GALNT16: variants seen among roughly 807,000 people sequenced by gnomAD.
The protein encoded by GALNT16 is polypeptide N-acetylgalactosaminyltransferase 16.
GALNT16 carries 40 observed loss-of-function variants against 76.1 expected under a neutral mutation model. The observed-to-expected ratio is 0.53, with a 90% CI of 0.41 to 0.68. The LOEUF (loss-of-function observed/expected upper bound fraction) is 0.68. Among genes scored for constraint, GALNT16 ranks in the 30% least tolerant of loss-of-function variants. The pLI, the probability that GALNT16 is intolerant of heterozygous loss-of-function variation, is 0.00. For missense variants in GALNT16, 621 were observed against 731.9 expected, an observed-to-expected ratio of 0.85 and a Z score of 1.75; for synonymous variants, 276 against 285.2, an observed-to-expected ratio of 0.97 and a Z score of 0.32.
intron 1 of GALNT16, among the ~76,000 whole-genome samples, chr14:69,289,238 G>A (rs2044658536): frequency 6.6e-6 from 1 of 152,162 alleles, no homozygotes; most frequent in Non-Finnish European, 1.5e-5. Context: ...GTGCTGGAGA[G>A]TCTTGAGAGT....
chr14:69,318,164 A>C (rs1222996050), intron 1 of GALNT16, among the ~76,000 whole-genome samples: 2 of 152,248 alleles, frequency 1.3e-5, no homozygotes, highest in Non-Finnish European at 2.9e-5. Flanking sequence ...TCACAGGTGA[A>C]GAGTCAAACC....
downstream of GALNT16, chr14:69,354,724 C>G (rs1383504900): frequency 1.3e-5 from 2 of 152,318 alleles, no homozygotes; most frequent in African/African-American, 4.8e-5. Flanking sequence ...CAGGAATCAG[C>G]ACAGGTCAGG....
chr14:69,360,394 G>A (rs67081339), downstream of GALNT16, among the ~76,000 whole-genome samples: 18,994 of 151,368 alleles, frequency 0.13, 1,321 homozygotes, highest in East Asian at 0.18. Flanking sequence ...TTAGGAGACT[G>A]AGACAGGTGG....
chr14:69,352,964 T>G lies in GALNT16; in HGVS notation c.*796T>G, dbSNP rs915657218. 5.9e-5 allele frequency among the ~76,000 whole-genome samples: 9 copies of G among 152,140 alleles called. No homozygotes were observed. The highest frequency in any genetic ancestry group is 2.2e-4 in the African/African-American group (9 of 41,432). On this transcript the variant is annotated 3_prime_UTR_variant, in exon 15 of 15. Transcript: ENST00000448469. ...TGCAGAGGGATCTTTAGGGGAAGAT[T>G]CGGGCGTAGTTTATTAAACAGACTC...
Position 69,260,253 on chromosome 14 carries a change from C to T in GALNT16, c.-38C>T, listed in dbSNP as rs764237985. Reference sequence around the variant, plus strand: ...CCCCGCCCCGGCCCCGAGAGCACGCCGGCCCAGTCCCCCACCTGGGGCGCC... The same window carrying T: ...CCCCGCCCCGGCCCCGAGAGCACGCTGGCCCAGTCCCCCACCTGGGGCGCC... On this transcript the variant is annotated 5_prime_UTR_variant, in exon 1 of 15. Coordinates refer to ENST00000448469, the MANE Select transcript of GALNT16 (RefSeq NM_001168368.2). 5.0e-6 allele frequency: 8 copies of T among 1,593,360 alleles called. No homozygotes were observed. In the South Asian group the frequency reaches 6.6e-5, roughly 13 times the overall value.
At chr14:69,304,730 T>C (rs1465472744) in intron 1 of GALNT16, among the ~76,000 whole-genome samples, 1 of 152,250 alleles carries the variant, frequency 6.6e-6, no homozygotes, top group Non-Finnish European at 1.5e-5. Context: ...GTATTTGTCT[T>C]TCTGGGACTG....
downstream of GALNT16, among the ~76,000 whole-genome samples, chr14:69,361,396 A>G (rs2045722944): frequency 6.6e-6 from 1 of 152,232 alleles, no homozygotes; most frequent in Non-Finnish European, 1.5e-5. Flanking sequence ...GCCCAAGATT[A>G]CCCAGCTGGC....
intron 12 of GALNT16, among the ~76,000 whole-genome samples, chr14:69,343,856 A>G (rs2045526347): frequency 6.6e-6 from 1 of 152,240 alleles, no homozygotes; most frequent in Non-Finnish European, 1.5e-5. Flanking sequence ...TGGCTCGATC[A>G]CAAGGCAGGA....
chr14:69,348,038 G>A (rs2045590015), intron 14 of GALNT16, 36 bp downstream of exon 14: 2 of 1,610,672 alleles, frequency 1.2e-6, no homozygotes, highest in Non-Finnish European at 1.7e-6. Flanking sequence ...AGGCCCAGCA[G>A]CCCGAGGGGC....
chr14:69,330,319 C>T lies in GALNT16; in HGVS notation c.691-1145C>T, dbSNP rs545227356. Among the ~76,000 whole-genome samples, 16 of 152,260 alleles carry T rather than the reference C, an allele frequency of 1.1e-4. No homozygotes were observed. The East Asian group carries it at 1.7e-3, about 17-fold the overall frequency. On this transcript the variant is annotated intron_variant, in intron 6 of 14. Coordinates refer to ENST00000448469, the MANE Select transcript of GALNT16 (RefSeq NM_001168368.2). ...ACCTACGTGAAGTGAAAGCCAGTCACGAAAAGCCATACATTATATGATTCC... is the reference window on the plus strand; with the variant it reads ...ACCTACGTGAAGTGAAAGCCAGTCATGAAAAGCCATACATTATATGATTCC...
At chr14:69,310,433 T>G (rs1223623540) in intron 1 of GALNT16, among the ~76,000 whole-genome samples, 2 of 152,194 alleles carry the variant, frequency 1.3e-5, no homozygotes, top group African/African-American at 4.8e-5. Flanking sequence ...TTTACATCAC[T>G]GAATCTTTTC....
the GALNT16 span, among the ~76,000 whole-genome samples, chr14:69,375,729 G>A: frequency 4.6e-5 from 7 of 152,138 alleles, no homozygotes; most frequent in African/African-American, 1.7e-4. Context: ...GAACTTCTGG[G>A]CCTGAGTGAT....
At chr14:69,371,901 G>A in the GALNT16 span, among the ~76,000 whole-genome samples, 2 of 151,928 alleles carry the variant, frequency 1.3e-5, no homozygotes, top group African/African-American at 4.8e-5. Context: ...CCGAGATCGT[G>A]CCACTGCACT....
intron 1 of GALNT16, among the ~76,000 whole-genome samples, chr14:69,277,164 A>G (rs766718294): frequency 1.3e-5 from 2 of 152,220 alleles, no homozygotes; most frequent in Non-Finnish European, 2.9e-5. Flanking sequence ...ACAAATGACA[A>G]ATTCTTTTGA....
chr14:69,316,776 A>AGGGGG (rs1181538070), intron 1 of GALNT16, among the ~76,000 whole-genome samples: 82 of 67,930 alleles, frequency 1.2e-3, no homozygotes, highest in African/African-American at 3.8e-3. Context: ...GTAGTCTGTG[A>AGGGGG]GGGGGGGGGG....
At chr14:69,289,218 G>A (rs1442113539) in intron 1 of GALNT16, among the ~76,000 whole-genome samples, 1 of 152,134 alleles carries the variant, frequency 6.6e-6, no homozygotes, top group African/African-American at 2.4e-5. Flanking sequence ...GGCCTCTGAG[G>A]GATGCCAAGG....
At chr14:69,267,540 G>T (rs1033005862) in intron 1 of GALNT16, among the ~76,000 whole-genome samples, 6 of 152,204 alleles carry the variant, frequency 3.9e-5, no homozygotes, top group Non-Finnish European at 7.3e-5. Flanking sequence ...GGATGACTTT[G>T]TCTCAGAGTT....
chr14:69,357,118 AGAG>A (rs1488567174), downstream of GALNT16: 3 of 152,254 alleles, frequency 2.0e-5, no homozygotes, highest in African/African-American at 7.2e-5. Flanking sequence ...ATATTCTAGC[AGAG>A]GAGATGGACC....
intron 1 of GALNT16, among the ~76,000 whole-genome samples, chr14:69,270,453 G>A (rs572800102): frequency 6.6e-6 from 1 of 152,182 alleles, no homozygotes; most frequent in African/African-American, 2.4e-5. Flanking sequence ...CAATCCCCTG[G>A]CAGTCGTGCC....
Sources: gnomAD v4.1 joint callset for allele counts (sites outside exome capture counted in the v4.1 genomes callset) on GRCh38, gnomAD v4.1.1 for gene constraint, MANE v1.5 for transcripts, NCBI Gene and HGNC (gene_info 2026-07-23, HGNC 2026-07-21) for gene names.